The following EPS8L3 variants were observed in gnomAD, a reference collection of about 807,000 sequenced individuals.
The protein encoded by EPS8L3 is epidermal growth factor receptor kinase substrate 8-like protein 3.
In EPS8L3, 80 loss-of-function variants were observed where a neutral mutation model predicts 88.5. The observed-to-expected ratio is 0.90, with a 90% CI of 0.75 to 1.09. EPS8L3 has a LOEUF of 1.09. Ranked by LOEUF, EPS8L3 falls within the 50% of genes least tolerant of loss-of-function variation. EPS8L3 has a pLI of 0.00. For synonymous variants in EPS8L3, 286 were observed against 291.0 expected (o/e 0.98, Z 0.18); for missense variants, 721 against 735.2 (o/e 0.98, Z 0.22).
chr1:109,761,882 G>C, intron 1 of EPS8L3, 109 bp from the exon 2 acceptor site: 2 of 947,746 alleles, frequency 2.1e-6, no homozygotes, highest in Non-Finnish European at 3.3e-6. Flanking sequence ...TCTGGGACCA[G>C]ACCCAAAGCC....
Position 109,753,203 on chromosome 1 carries a change from A to G in EPS8L3, c.1119-5T>C. ...TCATCGCCTGTCCAGTCGGCCCTGA[A>G]GAGGGAAACAAAGCTGAGTTCACAT... On this transcript the variant is annotated splice_region_variant and splice_polypyrimidine_tract_variant and intron_variant, in intron 12 of 18. Transcript: ENST00000361965. 6.2e-7 allele frequency: 1 copy of G among 1,600,866 alleles called. No homozygotes were observed. Among genetic ancestry groups the G allele is most frequent in the Non-Finnish European group, 8.5e-7 (1 of 1,173,174 alleles).
chr1:109,760,808 G>T (rs1650839119), intron 3 of EPS8L3, among the ~76,000 whole-genome samples: 1 of 152,024 alleles, frequency 6.6e-6, no homozygotes, highest in Non-Finnish European at 1.5e-5. Context: ...GCCAGGACAG[G>T]ATGGCTTCTA....
intron 12 of EPS8L3, among the ~76,000 whole-genome samples, chr1:109,754,755 C>A (rs1650126434): frequency 1.3e-5 from 2 of 152,078 alleles, no homozygotes; most frequent in Admixed American, 6.6e-5. Context: ...TATTGTAGAA[C>A]CTCTGTTTTC....
At chr1:109,751,515 G>T in intron 16 of EPS8L3, 139 bp downstream of exon 16, 1 of 1,406,022 alleles carries the variant, frequency 7.1e-7, no homozygotes, top group Non-Finnish European at 9.9e-7. Context: ...CTGGCCCCAT[G>T]ATAAAGTTGG....
At chr1:109,757,223 T>C in intron 11 of EPS8L3, 58 bp from the exon 12 acceptor site, 1 of 1,514,390 alleles carries the variant, frequency 6.6e-7, no homozygotes, top group Non-Finnish European at 8.9e-7. Context: ...CCAGTGAGGG[T>C]GGGAAAGGCC....
At chr1:109,750,424 G>C (rs376835702) in intron 18 of EPS8L3, 22 bp from the exon 19 acceptor site, 2 of 1,613,192 alleles carry the variant, frequency 1.2e-6, no homozygotes, top group Middle Eastern at 1.7e-4. Context: ...CAAAGATTCA[G>C]ATGAGGCTGA....
At chr1:109,763,764 C>G (rs1018219776) in intron 1 of EPS8L3, 58 bp downstream of exon 1, 2 of 153,066 alleles carry the variant, frequency 1.3e-5, no homozygotes, top group Non-Finnish European at 2.9e-5. Flanking sequence ...CCCCACCTGC[C>G]CTGAGATCCC....
At chr1:109,758,494 C>T in intron 7 of EPS8L3, 30 bp downstream of exon 7, 1 of 1,561,820 alleles carries the variant, frequency 6.4e-7, no homozygotes. Flanking sequence ...GAAACCCTCT[C>T]CTTCACCTGC....
In EPS8L3 at chr1:109,752,684, A is replaced by G; in HGVS notation, c.1235+2T>C. On this transcript the variant is annotated splice_donor_variant, in intron 14 of 18. Transcript: ENST00000361965. LOFTEE classifies it high-confidence loss of function. ...GCAGTCCCTATTAAGCTCAGAGCAT[A>G]CCGAAGGGAAACAGGGTCCTGGTAT... 1.3e-6 allele frequency: 2 copies of G among 1,551,522 alleles called. No individual in the cohort carries two copies. Among genetic ancestry groups the G allele is most frequent in the African/African-American group, 1.4e-5 (1 of 73,140 alleles).
In EPS8L3 at chr1:109,762,315, C is replaced by T. The variant is rs7540135; in HGVS notation, c.-24-542G>A. ...GTACTTATGGTGGCACTGCAGGACT[C>T]GCCAGTGAGCTGACCTCCCCCAAGT... is the stretch of plus-strand genomic sequence containing the variant. On this transcript the variant is annotated intron_variant, in intron 1 of 18. Coordinates refer to ENST00000361965, the MANE Select transcript of EPS8L3 (RefSeq NM_133181.4). 5.4e-3 allele frequency among the ~76,000 whole-genome samples: 815 copies of T among 152,236 alleles called. 5 individuals carry two copies. The highest frequency in any genetic ancestry group is 0.019 in the African/African-American group (779 of 41,524).
At chr1:109,752,253 A>G in intron 14 of EPS8L3, 60 bp from the exon 15 acceptor site, 1 of 1,499,826 alleles carries the variant, frequency 6.7e-7, no homozygotes, top group South Asian at 1.2e-5. Flanking sequence ...CCTATGTCCC[A>G]GCCCTGAGAT....
chr1:109,756,687 G>A (rs1221066419), intron 12 of EPS8L3, among the ~76,000 whole-genome samples: 1 of 152,138 alleles, frequency 6.6e-6, no homozygotes, highest in East Asian at 1.9e-4. Context: ...ATCTGGGGCT[G>A]GATTGAGACA....
At chr1:109,762,331 T>C (rs1651067868) in intron 1 of EPS8L3, among the ~76,000 whole-genome samples, 1 of 152,048 alleles carries the variant, frequency 6.6e-6, no homozygotes, top group Non-Finnish European at 1.5e-5. Context: ...TGAGCTGACC[T>C]CCCCCAAGTG....
chr1:109,755,830 A>G (rs569321555), intron 12 of EPS8L3, among the ~76,000 whole-genome samples: 1 of 152,252 alleles, frequency 6.6e-6, no homozygotes, highest in Non-Finnish European at 1.5e-5. Context: ...CAAACAAAAC[A>G]GAAGTGGTTA....
At chr1:109,757,452 C>G (rs752509742) in intron 11 of EPS8L3, 29 bp downstream of exon 11, 2 of 1,604,880 alleles carry the variant, frequency 1.2e-6, no homozygotes. Context: ...GCCTGTCCGT[C>G]TTCACCACCC....
chr1:109,761,625 TG>T, intron 2 of EPS8L3, 66 bp from the exon 3 acceptor site: 3 of 1,596,698 alleles, frequency 1.9e-6, no homozygotes, highest in Non-Finnish European at 2.6e-6. Context: ...AGGCAACTGC[TG>T]GGGGCAGTTG....
intron 12 of EPS8L3, among the ~76,000 whole-genome samples, chr1:109,755,733 C>T (rs1277191502): frequency 6.6e-6 from 1 of 152,180 alleles, no homozygotes; most frequent in Non-Finnish European, 1.5e-5. Flanking sequence ...GTAGGAGGAT[C>T]GCTGGAGCCA....
chr1:109,760,862 G>A lies in EPS8L3; in HGVS notation c.96+633C>T, dbSNP rs545391721. On this transcript the variant is annotated intron_variant, in intron 3 of 18. Transcript: ENST00000361965. Reference sequence around the variant, plus strand: ...ACCCTCTGCCTGCTCTCCCCACCACGCCCTTGTAGCCTGTGCTTCGCCTTC... The same window carrying A: ...ACCCTCTGCCTGCTCTCCCCACCACACCCTTGTAGCCTGTGCTTCGCCTTC... Among the ~76,000 whole-genome samples, 5 of 152,176 alleles carry A rather than the reference G, an allele frequency of 3.3e-5. No individual in the cohort carries two copies. The East Asian group carries it at 5.8e-4, about 18-fold the overall frequency.
At chr1:109,752,305 T>C (rs1336719176) in intron 14 of EPS8L3, 112 bp from the exon 15 acceptor site, 4 of 1,130,184 alleles carry the variant, frequency 3.5e-6, no homozygotes, top group Non-Finnish European at 5.1e-6. Flanking sequence ...TGGTGACTTT[T>C]GGGTTTCTTT....
Sources: allele counts gnomAD v4.1 joint callset (sites outside exome capture counted in the v4.1 genomes callset), GRCh38; gene constraint gnomAD v4.1.1; transcripts MANE v1.5; gene names NCBI Gene and HGNC (gene_info 2026-07-23, HGNC 2026-07-21).